The following DSCAM variants were observed in gnomAD, a reference collection of about 807,000 sequenced individuals.
DSCAM encodes the protein DS cell adhesion molecule, also known as cell adhesion molecule DSCAM.
A neutral mutation model predicts 217.7 loss-of-function variants in DSCAM; 47 were observed. That is an observed-to-expected ratio of 0.22 (90% CI 0.17 to 0.28). DSCAM has a LOEUF of 0.28. Among genes scored for constraint, DSCAM ranks in the 10% least tolerant of loss-of-function variants. DSCAM has a pLI of 1.00. For synonymous variants in DSCAM, 1,056 were observed against 1,015.3 expected (o/e 1.04, Z -0.76); for missense variants, 2,080 against 2,618.3 (o/e 0.79, Z 4.49).
chr21:40,839,612 A>G (rs895391571), intron 1 of DSCAM, among the ~76,000 whole-genome samples: 2 of 152,138 alleles, frequency 1.3e-5, no homozygotes, highest in African/African-American at 2.4e-5. Context: ...GAGATTTCAT[A>G]ATATTTCTGC....
chr21:40,635,331 C>A (rs28411776), intron 3 of DSCAM, among the ~76,000 whole-genome samples: 1 of 151,958 alleles, frequency 6.6e-6, no homozygotes, highest in Non-Finnish European at 1.5e-5. Context: ...CACTGGAGAC[C>A]GCTGGATTTC....
intron 10 of DSCAM, among the ~76,000 whole-genome samples, chr21:40,279,326 A>C (rs968025208): frequency 5.9e-5 from 9 of 152,094 alleles, no homozygotes; most frequent in Non-Finnish European, 1.3e-4. Flanking sequence ...GATAATTTAA[A>C]ACTTAATTCA....
intron 3 of DSCAM, among the ~76,000 whole-genome samples, chr21:40,680,894 TAC>T (rs1568980499): frequency 2.6e-5 from 4 of 152,144 alleles, no homozygotes; most frequent in Non-Finnish European, 1.5e-5. Flanking sequence ...TTTCAGGAAC[TAC>T]ACACACTGAA....
Position 40,805,785 on chromosome 21 carries a change from T to G in DSCAM, c.43+40834A>C, listed in dbSNP as rs376182933. 9.6e-4 allele frequency among the ~76,000 whole-genome samples: 146 copies of G among 152,166 alleles called. 1 individual carries two copies. The highest frequency in any genetic ancestry group is 3.4e-3 in the African/African-American group (141 of 41,500). On this transcript the variant is annotated intron_variant, in intron 1 of 32. Coordinates refer to ENST00000400454, the MANE Select transcript of DSCAM (RefSeq NM_001389.5). ...GTGCAGTGGCCCCATCTCGGCTCACTGCAAGCTCCACCTCCCGGGTTCATG... is the reference window on the plus strand; with the variant it reads ...GTGCAGTGGCCCCATCTCGGCTCACGGCAAGCTCCACCTCCCGGGTTCATG...
chr21:40,584,212 A>G (rs1439758626), intron 3 of DSCAM, among the ~76,000 whole-genome samples: 1 of 152,232 alleles, frequency 6.6e-6, no homozygotes, highest in Non-Finnish European at 1.5e-5. Flanking sequence ...GGTGTTACAC[A>G]GGGGCACAGG....
At chr21:40,274,249 C>T (rs2073657889) in intron 11 of DSCAM, among the ~76,000 whole-genome samples, 1 of 152,120 alleles carries the variant, frequency 6.6e-6, no homozygotes, top group African/African-American at 2.4e-5. Context: ...ATTCTTGAAG[C>T]CTATTTTCCA....
chr21:40,444,560 T>C (rs2075658839), intron 3 of DSCAM, among the ~76,000 whole-genome samples: 3 of 152,210 alleles, frequency 2.0e-5, no homozygotes, highest in Non-Finnish European at 4.4e-5. Flanking sequence ...CAGGGGCTAT[T>C]TGTTACACTG....
chr21:40,455,719 A>C (rs2075758065), intron 3 of DSCAM, among the ~76,000 whole-genome samples: 1 of 152,196 alleles, frequency 6.6e-6, no homozygotes, highest in South Asian at 2.1e-4. Context: ...CAGTGAGCTG[A>C]AATCACCCCA....
chr21:40,226,847 A>C (rs958871698), intron 11 of DSCAM, among the ~76,000 whole-genome samples: 3 of 152,122 alleles, frequency 2.0e-5, no homozygotes, highest in Admixed American at 2.0e-4. Flanking sequence ...TTCATTATCC[A>C]GGTATTAAGC....
intron 1 of DSCAM, among the ~76,000 whole-genome samples, chr21:40,800,873 G>A (rs933735480): frequency 5.4e-5 from 8 of 149,154 alleles, no homozygotes; most frequent in East Asian, 2.0e-4. Flanking sequence ...ACACCACCAC[G>A]CCCAACTAAT....
intron 1 of DSCAM, among the ~76,000 whole-genome samples, chr21:40,800,167 T>C (rs2091726983): frequency 6.6e-6 from 1 of 152,202 alleles, no homozygotes; most frequent in Non-Finnish European, 1.5e-5. Context: ...AAAGGACCTT[T>C]CAACAAAATG....
chr21:40,402,607 G>C (rs1263763505), intron 3 of DSCAM, among the ~76,000 whole-genome samples: 1 of 150,928 alleles, frequency 6.6e-6, no homozygotes, highest in Admixed American at 6.6e-5. Context: ...GCAGACTGTG[G>C]CTCCTTGTAG....
intron 1 of DSCAM, among the ~76,000 whole-genome samples, chr21:40,813,356 G>A (rs1485758349): frequency 6.6e-6 from 1 of 152,154 alleles, no homozygotes. Flanking sequence ...ATTTGGGTTT[G>A]ATTTGTTCTT....
At chr21:40,736,659 T>C (rs2091066395) in intron 1 of DSCAM, among the ~76,000 whole-genome samples, 1 of 152,204 alleles carries the variant, frequency 6.6e-6, no homozygotes, top group Non-Finnish European at 1.5e-5. Flanking sequence ...TCCTTCACAC[T>C]TGTCATTCAG....
intron 3 of DSCAM, among the ~76,000 whole-genome samples, chr21:40,560,980 A>G (rs2076716082): frequency 6.6e-6 from 1 of 152,202 alleles, no homozygotes. Context: ...AAATCCCAGA[A>G]AACAACTTGA....
At chr21:40,320,436 T>C (rs1003839127) in intron 8 of DSCAM, among the ~76,000 whole-genome samples, 2 of 38,610 alleles carry the variant, frequency 5.2e-5, no homozygotes, top group African/African-American at 1.6e-4. Context: ...TATCACACAA[T>C]TTTTTTATAG....
At chr21:40,236,061 C>T (rs1177699846) in intron 11 of DSCAM, among the ~76,000 whole-genome samples, 1 of 152,192 alleles carries the variant, frequency 6.6e-6, no homozygotes, top group East Asian at 1.9e-4. Flanking sequence ...TGTACACTTG[C>T]TTCCATCTGC....
intron 1 of DSCAM, among the ~76,000 whole-genome samples, chr21:40,824,766 G>A (rs768495420): frequency 1.3e-5 from 2 of 152,032 alleles, no homozygotes; most frequent in Admixed American, 1.3e-4. Flanking sequence ...CAGCTTGATA[G>A]AATTCTGTGT....
chr21:40,561,485 G>A (rs2076720197), intron 3 of DSCAM, among the ~76,000 whole-genome samples: 2 of 152,066 alleles, frequency 1.3e-5, no homozygotes. Flanking sequence ...TGTTTTCATG[G>A]TGACAGGCCA....
Sources: allele counts gnomAD v4.1 joint callset (sites outside exome capture counted in the v4.1 genomes callset), GRCh38; gene constraint gnomAD v4.1.1; transcripts MANE v1.5; gene names NCBI Gene and HGNC (gene_info 2026-07-23, HGNC 2026-07-21).